Variants in KAT14 observed in about 807,000 individuals in gnomAD.
KAT14 encodes cysteine-rich protein 2-binding protein.
In KAT14, 66 loss-of-function variants were observed where a neutral mutation model predicts 78.4. That is an observed-to-expected ratio of 0.84 (90% CI 0.69 to 1.03). The LOEUF is 1.03. KAT14 is among the 50% of genes least tolerant of loss of function. The probability of loss-of-function intolerance (pLI) is 0.00; values close to 1 mark genes in which losing one functional copy is unlikely to be tolerated. For synonymous variants in KAT14, 344 were observed against 359.4 expected (o/e 0.96, Z 0.48); for missense variants, 870 against 972.5 (o/e 0.89, Z 1.40).
In KAT14 at chr20:18,157,982, G is replaced by T. The variant is rs147889929; in HGVS notation, c.501-1102G>T. ...GACCCAGTTTCATTCTTGTTGCCCGGGCTGGAGTGCAATGGTGCAGTCTTG... is the reference window on the plus strand; with the variant it reads ...GACCCAGTTTCATTCTTGTTGCCCGTGCTGGAGTGCAATGGTGCAGTCTTG... On this transcript the variant is annotated intron_variant, in intron 4 of 10. Coordinates refer to ENST00000688188, the MANE Select transcript of KAT14 (RefSeq NM_001392073.1). Among the ~76,000 whole-genome samples the T allele has an allele frequency of 2.4e-4, 36 of 152,150 alleles. No individual in the cohort carries two copies. In the East Asian group the frequency reaches 6.8e-3, roughly 29 times the overall value.
chr20:18,157,924 C>T (rs2038280300), intron 4 of KAT14, among the ~76,000 whole-genome samples: 1 of 152,124 alleles, frequency 6.6e-6, no homozygotes, highest in South Asian at 2.1e-4. Flanking sequence ...TTGGGGGTTT[C>T]ATTCTCTCCA....
In KAT14 at chr20:18,162,182, T is replaced by C. The variant is rs772925522; in HGVS notation, c.1042T>C (p.Leu348=). ...TPASHSATPS[L]LSEADLIPDV... ...TGCCTCTCATTCTGCCACACCTAGC[T>C]TGCTTTCAGAAGCAGATCTGATTCC... Residue 348 remains leucine (L), a synonymous_variant, in exon 6 of 11, where the codon TTG becomes CTG. Transcript: ENST00000688188. 1.2e-6 allele frequency: 2 copies of C among 1,614,202 alleles called. No homozygotes were observed. The highest frequency in any genetic ancestry group is 2.2e-5 in the South Asian group (2 of 91,090).
At position 18,187,714 on chromosome 20, in the gene KAT14, T is replaced by C. The variant is rs2039492984; in HGVS notation, c.*255T>C. 2 of 464,136 alleles carry C rather than the reference T, an allele frequency of 4.3e-6. No individual in the cohort carries two copies. The highest frequency in any genetic ancestry group is 2.0e-5 in the African/African-American group (1 of 49,052). The allele number at this position is 464,136 out of a possible 1,614,324, so 28.8% of individuals were successfully genotyped here. A position where few individuals can be genotyped will look rare whatever the true frequency, so the allele number is the denominator to read the frequency against. On this transcript the variant is annotated 3_prime_UTR_variant, in exon 11 of 11. Transcript: ENST00000688188. ...ACTCCACAGTTATTTATGAATGATGTCGTGATTCTCCCTCCACCTGACAGT... is the reference window on the plus strand; with the variant it reads ...ACTCCACAGTTATTTATGAATGATGCCGTGATTCTCCCTCCACCTGACAGT...
In KAT14 at chr20:18,143,620, TTTTTTTATTTTA is replaced by T. The variant is rs1297899429; in HGVS notation, c.259+708_259+719del. On this transcript the variant is annotated intron_variant, in intron 2 of 10. Transcript: ENST00000688188. The stretch of plus-strand genomic sequence containing the variant: ...TTTGCCAGCACACCTGGCTAATTTT[TTTTTTTATTTTA>T]TTTTTTTTTTTTGAGACGGAGTTTT... Among the ~76,000 whole-genome samples the T allele has an allele frequency of 4.2e-4, 52 of 124,376 alleles. 4 individuals carry two copies. The highest frequency in any genetic ancestry group is 1.4e-3 in the African/African-American group (45 of 32,892). The allele number at this position is 124,376 out of a possible 152,430, so 81.6% of individuals were successfully genotyped here. A position where few individuals can be genotyped will look rare whatever the true frequency, so the allele number is the denominator to read the frequency against.
At chr20:18,183,087 T>C (rs756159163) in intron 8 of KAT14, 36 bp from the exon 9 acceptor site, 21 of 1,574,028 alleles carry the variant, frequency 1.3e-5, no homozygotes, top group Admixed American at 9.5e-5. Flanking sequence ...GGTATTTTTC[T>C]TGACTTGAAT....
chr20:18,176,247 G>A (rs138125489), intron 7 of KAT14, among the ~76,000 whole-genome samples: 1,506 of 147,748 alleles, frequency 0.01, 24 homozygotes, highest in African/African-American at 0.036. Context: ...GTTGCAGTGA[G>A]CCGAGATGAC....
At chr20:18,165,368 C>A (rs1776292521) in intron 7 of KAT14, among the ~76,000 whole-genome samples, 1 of 152,084 alleles carries the variant, frequency 6.6e-6, no homozygotes, top group Non-Finnish European at 1.5e-5. Context: ...ATGTTGAAGT[C>A]CCAACCCTGG....
At chr20:18,177,668 A>T (rs1240992747) in intron 7 of KAT14, among the ~76,000 whole-genome samples, 1 of 152,232 alleles carries the variant, frequency 6.6e-6, no homozygotes, top group East Asian at 1.9e-4. Context: ...TCCTTTTAAC[A>T]AAGTTATTTT....
intron 4 of KAT14, among the ~76,000 whole-genome samples, chr20:18,151,263 C>G (rs920459625): frequency 1.3e-5 from 2 of 152,074 alleles, no homozygotes; most frequent in South Asian, 2.1e-4. Context: ...GTGGCGTGAT[C>G]TCGGCACACT....
chr20:18,186,828 T>G (rs1203861130), intron 10 of KAT14, among the ~76,000 whole-genome samples: 1 of 152,232 alleles, frequency 6.6e-6, no homozygotes, highest in Non-Finnish European at 1.5e-5. Context: ...TAATATTTCA[T>G]GTTTGTGCAT....
chr20:18,138,589 A>C, intron 1 of KAT14: 1 of 397,474 alleles, frequency 2.5e-6, no homozygotes, highest in South Asian at 1.0e-4. Flanking sequence ...CTCACTCTCC[A>C]TGCCTTTGAC....
At chr20:18,140,638 C>G (rs1350855128) in intron 1 of KAT14, among the ~76,000 whole-genome samples, 1 of 151,566 alleles carries the variant, frequency 6.6e-6, no homozygotes, top group Admixed American at 6.6e-5. Context: ...GGTGAAACCC[C>G]GTCTCTACTA....
In KAT14 at chr20:18,184,774, G is replaced by C. The variant is rs749665553; in HGVS notation, c.2154G>C (p.Met718Ile). The C allele has an allele frequency of 3.7e-5, 59 of 1,607,602 alleles. No homozygotes were observed. Among genetic ancestry groups the C allele is most frequent in the Non-Finnish European group, 5.0e-5 (59 of 1,177,992 alleles). The change falls in exon 10 of 11, where the codon ATG becomes ATC. Residue 718 changes from methionine (M) to isoleucine (I), a missense_variant. Coordinates refer to ENST00000688188, the MANE Select transcript of KAT14 (RefSeq NM_001392073.1). ...EWRRAGIATF[M>I]IYHLIQTCMG... ...GAAGAGCAGGGATTGCAACTTTCAT[G>C]ATCTATCATCTGATTCAGGTAAGTT...
At chr20:18,164,721 A>G (rs956055447) in intron 7 of KAT14, among the ~76,000 whole-genome samples, 8 of 151,458 alleles carry the variant, frequency 5.3e-5, no homozygotes, top group African/African-American at 1.5e-4. Flanking sequence ...GGCTCAAGCA[A>G]TTCTCCCACC....
chr20:18,182,129 AT>A (rs1283869719), intron 8 of KAT14, among the ~76,000 whole-genome samples: 1 of 150,704 alleles, frequency 6.6e-6, no homozygotes, highest in Non-Finnish European at 1.5e-5. Flanking sequence ...TATTATTATT[AT>A]TTTTTTTTTG....
chr20:18,184,763 G>A lies in KAT14; in HGVS notation c.2143G>A (p.Ala715Thr). Residue 715 changes from alanine to threonine, a missense_variant, in exon 10 of 11, where the codon GCA becomes ACA. Coordinates refer to ENST00000688188, the MANE Select transcript of KAT14 (RefSeq NM_001392073.1). Reference protein sequence around the residue: ...VHPEWRRAGIATFMIYHLIQT... With the variant: ...VHPEWRRAGITTFMIYHLIQT... ...CCCTGAATGGAGAAGAGCAGGGATT[G>A]CAACTTTCATGATCTATCATCTGAT... 6.2e-7 allele frequency: 1 copy of A among 1,608,966 alleles called. No individual in the cohort carries two copies. Among genetic ancestry groups the A allele is most frequent in the African/African-American group, 1.3e-5 (1 of 74,492 alleles).
At position 18,156,435 on chromosome 20, in the gene KAT14, G is replaced by A. The variant is rs189076992; in HGVS notation, c.501-2649G>A. On this transcript the variant is annotated intron_variant, in intron 4 of 10. Coordinates refer to ENST00000688188, the MANE Select transcript of KAT14 (RefSeq NM_001392073.1). ...AATAATTTTGGGGGAAAACTATTGA[G>A]GCCATTCATAAATACTGTGTTTGTA... 2.0e-3 allele frequency among the ~76,000 whole-genome samples: 303 copies of A among 152,192 alleles called. 1 individual carries two copies. The highest frequency in any genetic ancestry group is 7.1e-3 in the African/African-American group (295 of 41,522).
At chr20:18,168,936 GT>G (rs1479202576) in intron 7 of KAT14, among the ~76,000 whole-genome samples, 1 of 151,318 alleles carries the variant, frequency 6.6e-6, no homozygotes, top group Non-Finnish European at 1.5e-5. Flanking sequence ...CCCATTGTGT[GT>G]TTATTACACC....
intron 1 of KAT14, among the ~76,000 whole-genome samples, chr20:18,140,846 C>CAAT (rs1297579266): frequency 1.1e-3 from 137 of 120,994 alleles, no homozygotes; most frequent in Non-Finnish European, 2.1e-3. Context: ...ACCAATAAAA[C>CAAT]AAAACAAAAA....
Sources: gnomAD v4.1 joint callset for allele counts (sites outside exome capture counted in the v4.1 genomes callset) on GRCh38, gnomAD v4.1.1 for gene constraint, MANE v1.5 for transcripts, NCBI Gene and HGNC (gene_info 2026-07-23, HGNC 2026-07-21) for gene names.